The following FRMD5 variants were observed in gnomAD, a reference collection of about 807,000 sequenced individuals.
The protein encoded by FRMD5 is FERM domain-containing protein 5.
Under a neutral mutation model 69.0 loss-of-function variants are expected in FRMD5, and 20 were observed. The ratio of observed to expected loss-of-function variants is 0.29; its 90% CI spans 0.20 to 0.42. The LOEUF (loss-of-function observed/expected upper bound fraction) is 0.42. Ranked by LOEUF, FRMD5 falls within the 10% of genes least tolerant of loss-of-function variation. FRMD5 has a pLI of 1.00. For synonymous variants in FRMD5, 271 were observed against 260.1 expected, an observed-to-expected ratio of 1.04 and a Z score of -0.40; for missense variants, 595 against 708.6, an observed-to-expected ratio of 0.84 and a Z score of 1.82.
Position 43,871,296 on chromosome 15 carries a change from C to T in FRMD5, c.*2589G>A, listed in dbSNP as rs1237370686. The T allele has an allele frequency of 6.6e-6, 1 of 152,166 alleles. No homozygotes were observed. The highest frequency in any genetic ancestry group is 6.5e-5 in the Admixed American group (1 of 15,272). The allele number at this position is 152,166 out of a possible 1,614,324, so 9.4% of individuals were successfully genotyped here. A position where few individuals can be genotyped will look rare whatever the true frequency, so the allele number is the denominator to read the frequency against. On this transcript the variant is annotated 3_prime_UTR_variant, in exon 14 of 14. Transcript: ENST00000417257. ...TTTCTGTTTACAGAGCAAAATTTAGCTGTTAGAAATGGCATAGACTACTGT... is the reference window on the plus strand; with the variant it reads ...TTTCTGTTTACAGAGCAAAATTTAGTTGTTAGAAATGGCATAGACTACTGT...
rs1051896901 is a variant in FRMD5, at chr15:44,036,654, G to A, written c.103-112345C>T. On this transcript the variant is annotated intron_variant, in intron 1 of 13. Coordinates refer to ENST00000417257, the MANE Select transcript of FRMD5 (RefSeq NM_032892.5). The stretch of plus-strand genomic sequence containing the variant: ...GCACTTAGAACAAAAATCAAACTGA[G>A]TTTTACATATTCTTGAACTCACTAG... 2.0e-5 allele frequency among the ~76,000 whole-genome samples: 3 copies of A among 152,168 alleles called. No individual in the cohort carries two copies. In the South Asian group the frequency reaches 6.2e-4, roughly 32 times the overall value.
chr15:44,003,543 T>C (rs1300992657), intron 1 of FRMD5, among the ~76,000 whole-genome samples: 5 of 152,184 alleles, frequency 3.3e-5, no homozygotes. Context: ...TTCATCATCC[T>C]ACTTTACTCC....
rs138899061 is a variant in FRMD5 at position 44,020,074 on chromosome 15, C to T, written c.103-95765G>A. Among the ~76,000 whole-genome samples the T allele has an allele frequency of 6.6e-5, 10 of 151,992 alleles. No individual in the cohort carries two copies. In the East Asian group the frequency reaches 1.9e-3, roughly 29 times the overall value. The stretch of plus-strand genomic sequence containing the variant: ...TACGAATCCTTATCTCTATTAGAGT[C>T]CTTTAACCAACCAACATATGAGGTA... On this transcript the variant is annotated intron_variant, in intron 1 of 13. Coordinates refer to ENST00000417257, the MANE Select transcript of FRMD5 (RefSeq NM_032892.5).
At chr15:44,019,714 G>GCAA (rs1266089703) in intron 1 of FRMD5, among the ~76,000 whole-genome samples, 5 of 126,182 alleles carry the variant, frequency 4.0e-5, no homozygotes, top group African/African-American at 1.6e-4. Context: ...TCCAGCCTGG[G>GCAA]CAATGAGAGC....
At chr15:44,106,081 C>T (rs532185971) in intron 1 of FRMD5, among the ~76,000 whole-genome samples, 7 of 152,076 alleles carry the variant, frequency 4.6e-5, no homozygotes, top group Non-Finnish European at 7.4e-5. Context: ...TTTTCCTAAA[C>T]ATTTTCCATC....
intron 1 of FRMD5, among the ~76,000 whole-genome samples, chr15:44,045,484 G>T (rs1892386026): frequency 6.6e-6 from 1 of 151,836 alleles, no homozygotes; most frequent in African/African-American, 2.4e-5. Flanking sequence ...ACATCAACAA[G>T]AATCAATTAA....
At chr15:43,888,352 T>G (rs1281346645) in intron 9 of FRMD5, 86 bp from the exon 10 acceptor site, 2 of 903,184 alleles carry the variant, frequency 2.2e-6, no homozygotes, top group African/African-American at 3.3e-5. Context: ...CCAGAGCTGT[T>G]AGAGGCCCTG....
At chr15:43,875,897 A>G in intron 13 of FRMD5, 1 of 767,218 alleles carries the variant, frequency 1.3e-6, no homozygotes, top group Non-Finnish European at 2.2e-6. Context: ...ATTTTGTCTT[A>G]ACTGCTGGGT....
At chr15:44,057,786 G>A (rs1892932161) in intron 1 of FRMD5, among the ~76,000 whole-genome samples, 1 of 152,148 alleles carries the variant, frequency 6.6e-6, no homozygotes, top group African/African-American at 2.4e-5. Context: ...TGAACATTCT[G>A]AATTCTGTAA....
chr15:44,196,451 G>A (rs551186384), upstream of FRMD5, among the ~76,000 whole-genome samples: 4 of 151,376 alleles, frequency 2.6e-5, no homozygotes, highest in African/African-American at 9.7e-5. Flanking sequence ...GGGGACAAGA[G>A]CAAGCCACCG....
At chr15:44,072,452 T>C (rs1288631173) in intron 1 of FRMD5, among the ~76,000 whole-genome samples, 1 of 152,168 alleles carries the variant, frequency 6.6e-6, no homozygotes, top group Non-Finnish European at 1.5e-5. Flanking sequence ...GTAAGAGATT[T>C]TGAAACACAG....
intron 1 of FRMD5, chr15:44,063,797 T>C: frequency 3.2e-6 from 1 of 314,164 alleles, no homozygotes; most frequent in African/African-American, 2.2e-5. Flanking sequence ...AATTACATCA[T>C]GGAGTCCACT....
In FRMD5 at chr15:43,914,723, CTTTTTTTTTTT is replaced by C. The variant is rs533023960; in HGVS notation, c.329+4725_329+4735del. 1.8e-3 allele frequency among the ~76,000 whole-genome samples: 198 copies of C among 109,374 alleles called. 6 individuals carry two copies. The highest frequency in any genetic ancestry group is 0.013 in the Admixed American group (143 of 10,630). The allele number at this position is 109,374 out of a possible 152,430, so 71.8% of individuals were successfully genotyped here. On this transcript the variant is annotated intron_variant, in intron 4 of 13. Coordinates refer to ENST00000417257, the MANE Select transcript of FRMD5 (RefSeq NM_032892.5). ...CCCAGCAACTCTATGAGGTGACTAC[CTTTTTTTTTTT>C]TTTTTTTTTTGAGATGGAGTCTTGC...
rs185345275 is a variant in FRMD5 at position 44,048,346 on chromosome 15, C to G, written c.103-124037G>C. On this transcript the variant is annotated intron_variant, in intron 1 of 13. Transcript: ENST00000417257. ...GAACATCTTTTCATGTGCTTATTGGCCATTTTTGTAACTTGTTTGGAGAAA... is the reference window on the plus strand; with the variant it reads ...GAACATCTTTTCATGTGCTTATTGGGCATTTTTGTAACTTGTTTGGAGAAA... 1.6e-4 allele frequency among the ~76,000 whole-genome samples: 24 copies of G among 152,040 alleles called. No individual in the cohort carries two copies. The East Asian group carries it at 3.7e-3, about 23-fold the overall frequency.
chr15:43,906,597 CT>C (rs553575491), intron 5 of FRMD5, among the ~76,000 whole-genome samples: 13 of 151,156 alleles, frequency 8.6e-5, no homozygotes, highest in Non-Finnish European at 1.6e-4. Context: ...GCATCAAGTT[CT>C]TTTTTTTTGT....
At chr15:44,105,659 T>C (rs958784269) in intron 1 of FRMD5, among the ~76,000 whole-genome samples, 1 of 152,218 alleles carries the variant, frequency 6.6e-6, no homozygotes, top group Admixed American at 6.5e-5. Flanking sequence ...TTTACTACTA[T>C]TTATTTGTAG....
intron 1 of FRMD5, among the ~76,000 whole-genome samples, chr15:43,944,756 T>C (rs891263461): frequency 3.9e-5 from 6 of 152,216 alleles, no homozygotes; most frequent in African/African-American, 1.2e-4. Flanking sequence ...GCTGGGTTCC[T>C]TGGAGTCTGT....
intron 11 of FRMD5, 197 bp from the exon 12 acceptor site, chr15:43,884,992 A>G (rs2088629059): frequency 3.7e-6 from 2 of 542,814 alleles, no homozygotes; most frequent in Non-Finnish European, 6.6e-6. Context: ...TATCTGAGAG[A>G]ACTCTCTCCA....
intron 1 of FRMD5, among the ~76,000 whole-genome samples, chr15:43,934,869 C>A (rs565595798): frequency 1.3e-5 from 2 of 152,128 alleles, no homozygotes; most frequent in African/African-American, 4.8e-5. Flanking sequence ...GGGCTTTAGG[C>A]GTGACAGTCT....
Sources: allele counts gnomAD v4.1 joint callset (sites outside exome capture counted in the v4.1 genomes callset), GRCh38; gene constraint gnomAD v4.1.1; transcripts MANE v1.5; gene names NCBI Gene and HGNC (gene_info 2026-07-23, HGNC 2026-07-21).